SRM: variants seen among roughly 807,000 people sequenced by gnomAD.
The protein encoded by SRM is spermidine synthase, also known as putrescine aminopropyltransferase.
Under a neutral mutation model 39.3 loss-of-function variants are expected in SRM, and 14 were observed. That is an observed-to-expected ratio of 0.36 (90% CI 0.24 to 0.56). SRM has a LOEUF of 0.56. SRM is among the 20% of genes least tolerant of loss of function. The probability of loss-of-function intolerance (pLI) is 0.86; values close to 1 mark genes in which losing one functional copy is unlikely to be tolerated. For synonymous variants in SRM, 195 were observed against 173.1 expected, an observed-to-expected ratio of 1.13 and a Z score of -0.99; for missense variants, 244 against 409.2, an observed-to-expected ratio of 0.60 and a Z score of 3.48.
Position 11,055,905 on chromosome 1 carries a change from A to G in SRM, c.641T>C (p.Leu214Pro). The G allele has an allele frequency of 6.2e-7, 1 of 1,605,712 alleles. No individual in the cohort carries two copies. Among genetic ancestry groups the G allele is most frequent in the Non-Finnish European group, 8.5e-7 (1 of 1,174,396 alleles). ...CTGCCGCATCTCCTTGATGAGGTCC[A>G]GGTGCAGCCACTGGCACTCGCCTGG... Reference protein sequence around the residue: ...CCQGECQWLHLDLIKEMRQFC... With the variant: ...CCQGECQWLHPDLIKEMRQFC... Residue 214 changes from leucine to proline, a missense_variant, in exon 6 of 8, where the codon CTG becomes CCG. Coordinates refer to ENST00000376957, the MANE Select transcript of SRM (RefSeq NM_003132.3).
chr1:11,055,570 A>C (rs1438643817), intron 6 of SRM, among the ~76,000 whole-genome samples: 2 of 151,992 alleles, frequency 1.3e-5, no homozygotes, highest in Non-Finnish European at 2.9e-5. Flanking sequence ...GCGCGCTGCC[A>C]TGCCTGGCTA....
At chr1:11,057,745 GCCTTCATCAGA>G (rs998641670) in intron 3 of SRM, among the ~76,000 whole-genome samples, 4 of 150,664 alleles carry the variant, frequency 2.7e-5, no homozygotes, top group Non-Finnish European at 5.9e-5. Context: ...CCCCTGTCTT[GCCTTCATCAGA>G]CCATCCTTTG....
intron 3 of SRM, among the ~76,000 whole-genome samples, chr1:11,058,498 T>C (rs1489668296): frequency 2.0e-5 from 3 of 148,930 alleles, no homozygotes; most frequent in Middle Eastern, 3.5e-3. Context: ...GAGGTGGAGG[T>C]TGCAGTGAGC....
In SRM at chr1:11,059,185, C is replaced by CA. The variant is rs751487156; in HGVS notation, c.288+39_288+40insT. On this transcript the variant is annotated intron_variant, in intron 2 of 7. Coordinates refer to ENST00000376957, the MANE Select transcript of SRM (RefSeq NM_003132.3). ...GAAGAGCCCGGAGCACACCTGGGGC[C>CA]GCCCCTCGTCCGGCACTGTTCCAGG... is the stretch of plus-strand genomic sequence containing the variant. 6 of 1,612,192 alleles carry CA rather than the reference C, an allele frequency of 3.7e-6. No homozygotes were observed. In the African/African-American group the frequency reaches 6.7e-5, roughly 18 times the overall value.
At chr1:11,058,690 G>T in intron 3 of SRM, 110 bp downstream of exon 3, 1 of 941,160 alleles carries the variant, frequency 1.1e-6, no homozygotes, top group East Asian at 2.8e-5. Context: ...GTGTTTTCCA[G>T]ATGGAGAAAC....
chr1:11,059,772 G>T lies in SRM; in HGVS notation c.167+5C>A, dbSNP rs371777299. The T allele has an allele frequency of 5.7e-5, 90 of 1,578,300 alleles. No individual in the cohort carries two copies. In the African/African-American group the frequency reaches 1.0e-3, roughly 18 times the overall value. The stretch of plus-strand genomic sequence containing the variant: ...GGGGCAGGCGCCTGCGGGCAGCGGC[G>T]GTACCTGCGGAAGACGAGGATGTCC... On this transcript the variant is annotated splice_donor_5th_base_variant and intron_variant, in intron 1 of 7. Coordinates refer to ENST00000376957, the MANE Select transcript of SRM (RefSeq NM_003132.3).
At chr1:11,056,834 C>G in intron 3 of SRM, 77 bp from the exon 4 acceptor site, 3 of 1,517,452 alleles carry the variant, frequency 2.0e-6, no homozygotes, top group Non-Finnish European at 1.8e-6. Context: ...TGGGACTCTC[C>G]AAGTGCCTCA....
intron 6 of SRM, among the ~76,000 whole-genome samples, chr1:11,055,575 T>C (rs1327376744): frequency 6.6e-6 from 1 of 152,078 alleles, no homozygotes; most frequent in Non-Finnish European, 1.5e-5. Context: ...CTGCCATGCC[T>C]GGCTAATTTT....
chr1:11,059,258 G>A lies in SRM; in HGVS notation c.255C>T (p.Asn85=), dbSNP rs759856881. The change falls in exon 2 of 8, where the codon AAC becomes AAT. Residue 85 remains asparagine (N), a synonymous_variant. Coordinates refer to ENST00000376957, the MANE Select transcript of SRM (RefSeq NM_003132.3). ...DEFSYQEMIA[N]LPLCSHPNPR... is the part of the protein sequence containing the mutation. The stretch of plus-strand genomic sequence containing the variant: ...GGTTGGGGTGGCTGCAGAGAGGCAG[G>A]TTGGCGATCATCTCCTGGTAGGAGA... 6.8e-6 allele frequency: 11 copies of A among 1,613,484 alleles called. No individual in the cohort carries two copies. Among genetic ancestry groups the A allele is most frequent in the Non-Finnish European group, 8.5e-6 (10 of 1,179,994 alleles).
In SRM at chr1:11,059,952, G is replaced by T; in HGVS notation, c.-9C>A. On this transcript the variant is annotated 5_prime_UTR_variant, in exon 1 of 8. Transcript: ENST00000376957. ...TCGGGGCCGGGCTCCATGGCGGGCG[G>T]GCGGGCGGCGCGGGGCGCGGGCCCG... 1.9e-6 allele frequency: 2 copies of T among 1,039,128 alleles called. No individual in the cohort carries two copies. Among genetic ancestry groups the T allele is most frequent in the East Asian group, 7.5e-5 (1 of 13,396 alleles). 64.4% of individuals were successfully genotyped at this position (1,039,128 alleles called of 1,614,324 possible). A position where few individuals can be genotyped will look rare whatever the true frequency, so the allele number is the denominator to read the frequency against.
chr1:11,056,503 G>C, intron 4 of SRM, 101 bp downstream of exon 4: 1 of 1,418,656 alleles, frequency 7.0e-7, no homozygotes, highest in Non-Finnish European at 9.6e-7. Context: ...CTCTAGTTCG[G>C]GGGGTGGGAG....
intron 1 of SRM, 39 bp from the exon 2 acceptor site, chr1:11,059,384 G>A (rs1638936499): frequency 2.5e-6 from 4 of 1,607,448 alleles, no homozygotes; most frequent in Non-Finnish European, 3.4e-6. Flanking sequence ...GGGTTCTCTG[G>A]GGTGGGGAAA....
At chr1:11,059,520 G>C in intron 1 of SRM, 175 bp from the exon 2 acceptor site, 2 of 1,140,676 alleles carry the variant, frequency 1.8e-6, no homozygotes, top group Non-Finnish European at 2.5e-6. Flanking sequence ...GCCGGGGTGG[G>C]ACCCGGGGTC....
At chr1:11,055,664 C>T (rs1169696791) in intron 6 of SRM, 117 bp downstream of exon 6, 2 of 1,096,340 alleles carry the variant, frequency 1.8e-6, no homozygotes, top group Non-Finnish European at 2.6e-6. Flanking sequence ...ATCTGCCCGC[C>T]TCAGCCTCCC....
Position 11,055,199 on chromosome 1 carries a change from CCT to C in SRM, c.766-117_766-116del, listed in dbSNP as rs568158281. On this transcript the variant is annotated intron_variant, in intron 6 of 7. Transcript: ENST00000376957. ...GTGGCGTCATCTCAGCTCACTGCAA[CCT>C]CTGTCTCCCAGGTTCAAGTGATTCT... 8.3e-5 allele frequency: 115 copies of C among 1,386,402 alleles called. No individual in the cohort carries two copies. The South Asian group carries it at 1.4e-3, about 17-fold the overall frequency. 85.9% of individuals were successfully genotyped at this position (1,386,402 alleles called of 1,614,324 possible).
intron 3 of SRM, among the ~76,000 whole-genome samples, chr1:11,058,300 C>G (rs958024440): frequency 6.6e-6 from 1 of 152,066 alleles, no homozygotes; most frequent in Non-Finnish European, 1.5e-5. Flanking sequence ...GTGGCTCACG[C>G]CTGTAATCCC....
intron 3 of SRM, among the ~76,000 whole-genome samples, chr1:11,057,467 T>C (rs1638900070): frequency 6.7e-6 from 1 of 149,134 alleles, no homozygotes; most frequent in East Asian, 2.0e-4. Flanking sequence ...CCATTTTTTT[T>C]TTTTTTTTTT....
chr1:11,054,720 C>T lies in SRM; in HGVS notation c.*145G>A. On this transcript the variant is annotated 3_prime_UTR_variant, in exon 8 of 8. Transcript: ENST00000376957. The surrounding 1 kb of genome is among the most constrained non-coding windows in gnomAD (Gnocchi z 4.8). The stretch of plus-strand genomic sequence containing the variant: ...CACACAGACAGTCCGCCCAGCAGGG[C>T]AGGCCGGGCAGCATTCTGGGGCTTG... The T allele has an allele frequency of 8.3e-7, 1 of 1,209,096 alleles. No individual in the cohort carries two copies. 74.9% of individuals were successfully genotyped at this position (1,209,096 alleles called of 1,614,324 possible).
chr1:11,055,121 T>A (rs755584599), intron 6 of SRM, 37 bp from the exon 7 acceptor site: 47 of 211,022 alleles, frequency 2.2e-4, no homozygotes, highest in Non-Finnish European at 2.1e-4. Context: ...GGGGGGGCAC[T>A]TTTTTTTTTT....
Sources: allele counts gnomAD v4.1 joint callset (sites outside exome capture counted in the v4.1 genomes callset), GRCh38; gene constraint gnomAD v4.1.1; non-coding constraint Gnocchi (gnomAD v3.1); transcripts MANE v1.5; gene names NCBI Gene and HGNC (gene_info 2026-07-23, HGNC 2026-07-21).